SULF1: variants seen among roughly 807,000 people sequenced by gnomAD.
SULF1 encodes sulfatase 1, also known as extracellular sulfatase Sulf-1.
Under a neutral mutation model 110.5 loss-of-function variants are expected in SULF1, and 46 were observed. That is an observed-to-expected ratio of 0.42 (90% confidence interval 0.33 to 0.53). The LOEUF (loss-of-function observed/expected upper bound fraction) is 0.53, where lower values mean the gene tolerates loss of function less well. Ranked by LOEUF, SULF1 falls within the 20% of genes least tolerant of loss-of-function variation. The probability of loss-of-function intolerance (pLI) is 0.12; values close to 1 mark genes in which losing one functional copy is unlikely to be tolerated. For missense variants in SULF1, 941 were observed against 1,094.2 expected, an observed-to-expected ratio of 0.86 and a Z score of 1.98; for synonymous variants, 371 against 387.1, an observed-to-expected ratio of 0.96 and a Z score of 0.49.
chr8:69,554,772 G>T (rs13268034), intron 3 of SULF1, among the ~76,000 whole-genome samples: 1 of 151,684 alleles, frequency 6.6e-6, no homozygotes, highest in African/African-American at 2.4e-5. Flanking sequence ...GAGGTCAGTA[G>T]ATCGAGACCA....
At chr8:69,480,281 C>T (rs960981279) in intron 1 of SULF1, among the ~76,000 whole-genome samples, 23 of 152,178 alleles carry the variant, frequency 1.5e-4, no homozygotes, top group African/African-American at 5.1e-4. Flanking sequence ...TTTCTGTACA[C>T]CAGAAAACTG....
At chr8:69,590,130 G>T (rs1424191281) in intron 8 of SULF1, among the ~76,000 whole-genome samples, 1 of 152,086 alleles carries the variant, frequency 6.6e-6, no homozygotes, top group African/African-American at 2.4e-5. Context: ...TCTAGTTGCC[G>T]GTCACTATAC....
At chr8:69,603,496 G>C in intron 11 of SULF1, 104 bp from the exon 12 acceptor site, 1 of 1,316,294 alleles carries the variant, frequency 7.6e-7, no homozygotes. Context: ...ATGCACTCAT[G>C]GTCTGTGGGA....
rs997709892 is a variant in SULF1 at position 69,608,672 on chromosome 8, C to T, written c.1377+3740C>T. ...TGCACTCCAGCCTGGGCAAAAAGGG[C>T]GAAACTCCATCTCAAAATAAATAAA... is the stretch of plus-strand genomic sequence containing the variant. On this transcript the variant is annotated intron_variant, in intron 13 of 22. Coordinates refer to ENST00000402687, the MANE Select transcript of SULF1 (RefSeq NM_001128205.2). 4.0e-5 allele frequency among the ~76,000 whole-genome samples: 6 copies of T among 151,536 alleles called. No homozygotes were observed. The East Asian group carries it at 5.8e-4, about 15-fold the overall frequency.
At chr8:69,574,762 A>G (rs886859021) in intron 5 of SULF1, among the ~76,000 whole-genome samples, 7 of 152,206 alleles carry the variant, frequency 4.6e-5, no homozygotes, top group Non-Finnish European at 7.3e-5. Flanking sequence ...CCTGAAGACA[A>G]CCAGAAGAGA....
In SULF1 at chr8:69,589,101, CCA is replaced by C. The variant is rs762519389; in HGVS notation, c.697_698del (p.Gln233ValfsTer3). ...AAPHGPEDSA[P>X]QFSKLYPNAS... The stretch of plus-strand genomic sequence containing the variant: ...GCCCCACGGCCCCGAGGACTCAGCC[CCA>C]CAGTTTTCTAAACTGTACCCCAATG... On this transcript the variant is annotated frameshift_variant, in exon 8 of 23. Coordinates refer to ENST00000402687, the MANE Select transcript of SULF1 (RefSeq NM_001128205.2). LOFTEE classifies it high-confidence loss of function. 1.9e-6 allele frequency: 3 copies of C among 1,614,086 alleles called. No homozygotes were observed. In the South Asian group the frequency reaches 3.3e-5, roughly 18 times the overall value.
chr8:69,478,748 C>T (rs900506265), intron 1 of SULF1, among the ~76,000 whole-genome samples: 6 of 151,998 alleles, frequency 3.9e-5, no homozygotes, highest in African/African-American at 1.5e-4. Context: ...TATTCTTATT[C>T]TCATCATTTT....
intron 22 of SULF1, among the ~76,000 whole-genome samples, chr8:69,648,653 A>T (rs1273263062): frequency 1.3e-5 from 2 of 152,186 alleles, no homozygotes; most frequent in African/African-American, 4.8e-5. Context: ...GCTGGTACAG[A>T]GGTGATGTGC....
chr8:69,507,582 T>C (rs1460779569), intron 3 of SULF1, among the ~76,000 whole-genome samples: 1 of 152,226 alleles, frequency 6.6e-6, no homozygotes, highest in Non-Finnish European at 1.5e-5. Context: ...TAAGATTCTG[T>C]CATTATTGCA....
chr8:69,492,917 C>T lies in SULF1; in HGVS notation c.-599C>T, dbSNP rs1037175682. The stretch of plus-strand genomic sequence containing the variant: ...GGCTTGATCGGCAACTAGGAAACCC[C>T]AGGCGCAGAGGCCAGGAGCGAGGGC... On this transcript the variant is annotated 5_prime_UTR_variant, in exon 1 of 23. Coordinates refer to ENST00000402687, the MANE Select transcript of SULF1 (RefSeq NM_001128205.2). 1 of 152,764 alleles carries T rather than the reference C, an allele frequency of 6.5e-6. No individual in the cohort carries two copies. Among genetic ancestry groups the T allele is most frequent in the African/African-American group, 2.4e-5 (1 of 41,478 alleles). The allele number at this position is 152,764 out of a possible 1,614,324, so 9.5% of individuals were successfully genotyped here.
chr8:69,576,566 CTCCTA>C (rs1805621811), intron 6 of SULF1, among the ~76,000 whole-genome samples: 1 of 152,100 alleles, frequency 6.6e-6, no homozygotes, highest in East Asian at 1.9e-4. Flanking sequence ...ATTGCTACAC[CTCCTA>C]TTATTGTTTA....
chr8:69,570,073 G>A (rs1299332341), intron 5 of SULF1, among the ~76,000 whole-genome samples: 2 of 152,146 alleles, frequency 1.3e-5, no homozygotes, highest in African/African-American at 4.8e-5. Context: ...AAATGGCAGG[G>A]AAGTACCTAA....
intron 3 of SULF1, among the ~76,000 whole-genome samples, chr8:69,507,851 C>G (rs1811301401): frequency 6.6e-6 from 1 of 152,066 alleles, no homozygotes; most frequent in Non-Finnish European, 1.5e-5. Context: ...AGTGGAAATT[C>G]ATATTTGTTT....
intron 1 of SULF1, among the ~76,000 whole-genome samples, chr8:69,470,104 T>TC (rs1415988161): frequency 6.6e-6 from 1 of 152,144 alleles, no homozygotes; most frequent in Non-Finnish European, 1.5e-5. Context: ...TATTGAGATT[T>TC]CCCCAACCAT....
chr8:69,467,274 T>C (rs1808896200), intron 1 of SULF1, among the ~76,000 whole-genome samples: 1 of 152,232 alleles, frequency 6.6e-6, no homozygotes, highest in Admixed American at 6.5e-5. Flanking sequence ...AAAGGATTTA[T>C]TTTAGCTTTC....
At chr8:69,639,578 T>A (rs1359747009) in intron 21 of SULF1, among the ~76,000 whole-genome samples, 3 of 152,166 alleles carry the variant, frequency 2.0e-5, no homozygotes, top group Non-Finnish European at 4.4e-5. Context: ...ATACCAGCTG[T>A]CCATACAAGG....
At chr8:69,519,744 A>G (rs751547886) in intron 3 of SULF1, among the ~76,000 whole-genome samples, 5 of 152,210 alleles carry the variant, frequency 3.3e-5, no homozygotes, top group Non-Finnish European at 5.9e-5. Flanking sequence ...CTATAGTTTC[A>G]TTTATGTTAG....
intron 3 of SULF1, among the ~76,000 whole-genome samples, chr8:69,547,821 G>T (rs183571359): frequency 6.6e-6 from 1 of 152,054 alleles, no homozygotes. Flanking sequence ...CTCAACAAAG[G>T]GTTGCTGAAT....
chr8:69,499,008 G>A (rs1391439896), intron 2 of SULF1, among the ~76,000 whole-genome samples: 1 of 152,110 alleles, frequency 6.6e-6, no homozygotes. Flanking sequence ...ACAGGCATGT[G>A]CAACCATGCC....
Sources: gnomAD v4.1 joint callset for allele counts (sites outside exome capture counted in the v4.1 genomes callset) on GRCh38, gnomAD v4.1.1 for gene constraint, MANE v1.5 for transcripts, NCBI Gene and HGNC (gene_info 2026-07-23, HGNC 2026-07-21) for gene names.